Variants in JMJD1C observed in about 807,000 individuals in gnomAD.
JMJD1C encodes jumonji domain containing 1C, also known as jumonji domain-containing protein 1C.
JMJD1C carries 31 observed loss-of-function variants against 245.3 expected under a neutral mutation model. The ratio of observed to expected loss-of-function variants is 0.13; its 90% CI spans 0.09 to 0.17. The LOEUF is 0.17. Ranked by LOEUF, JMJD1C falls within the 10% of genes least tolerant of loss-of-function variation. The pLI is 1.00. For synonymous variants in JMJD1C, 1,057 were observed against 1,017.4 expected, an observed-to-expected ratio of 1.04 and a Z score of -0.74; for missense variants, 2,691 against 3,000.2, an observed-to-expected ratio of 0.90 and a Z score of 2.41.
chr10:63,321,835 A>AT (rs1940907722), intron 2 of JMJD1C, among the ~76,000 whole-genome samples: 4 of 152,170 alleles, frequency 2.6e-5, no homozygotes, highest in Non-Finnish European at 5.9e-5. Flanking sequence ...AGCCAAGAGG[A>AT]TGCCCTCTCT....
At chr10:63,461,227 T>C (rs1313585628) in intron 1 of JMJD1C, among the ~76,000 whole-genome samples, 3 of 152,194 alleles carry the variant, frequency 2.0e-5, no homozygotes, top group Admixed American at 6.5e-5. Flanking sequence ...ACATCAGACA[T>C]AGAAGTCTTT....
intron 2 of JMJD1C, among the ~76,000 whole-genome samples, chr10:63,299,452 A>G (rs756407290): frequency 1.3e-5 from 2 of 150,260 alleles, no homozygotes; most frequent in Non-Finnish European, 2.9e-5. Flanking sequence ...TCAGCCTCCC[A>G]AAGTGTTGGG....
At chr10:63,510,450 C>A (rs1954841768) in intron 1 of JMJD1C, among the ~76,000 whole-genome samples, 1 of 152,110 alleles carries the variant, frequency 6.6e-6, no homozygotes, top group Non-Finnish European at 1.5e-5. Flanking sequence ...TTTTGAGATT[C>A]CTTCTTTGAA....
intron 10 of JMJD1C, chr10:63,203,351 C>T (rs576592708): frequency 5.1e-6 from 5 of 984,356 alleles, no homozygotes; most frequent in South Asian, 4.7e-5. Flanking sequence ...ATGGATACTT[C>T]TTCATTTATA....
rs540407990 is a variant in JMJD1C, at chr10:63,287,016, G to GC, written c.334-22253dup. On this transcript the variant is annotated intron_variant, in intron 2 of 25. Transcript: ENST00000399262. ...TAATCATTCAACAAAAAATTTATCAGCCCTGGCAACATAGGGAGATCTTGT... is the reference window on the plus strand; with the variant it reads ...TAATCATTCAACAAAAAATTTATCAGCCCCTGGCAACATAGGGAGATCTTGT... 1.4e-3 allele frequency among the ~76,000 whole-genome samples: 220 copies of GC among 152,230 alleles called. 3 individuals are homozygous for GC. Among genetic ancestry groups the GC allele is most frequent in the South Asian group, 6.2e-4 (3 of 4,822 alleles).
chr10:63,170,710 A>G (rs1219194555), intron 24 of JMJD1C, among the ~76,000 whole-genome samples: 6 of 152,192 alleles, frequency 3.9e-5, no homozygotes, highest in Admixed American at 3.9e-4. Flanking sequence ...AACCTTTATT[A>G]GTGCTTACAA....
chr10:63,463,878 AT>A (rs1421695864), intron 1 of JMJD1C, among the ~76,000 whole-genome samples: 1 of 152,186 alleles, frequency 6.6e-6, no homozygotes, highest in African/African-American at 2.4e-5. Context: ...TAGATAATTT[AT>A]TTTTTAATAT....
intron 4 of JMJD1C, 117 bp from the exon 5 acceptor site, chr10:63,217,448 T>C (rs1848123229): frequency 1.3e-6 from 1 of 777,358 alleles, no homozygotes. Context: ...CTATCAGTTT[T>C]CAAAAAAATG....
chr10:63,230,777 C>T (rs184268578), intron 3 of JMJD1C, among the ~76,000 whole-genome samples: 75 of 150,932 alleles, frequency 5.0e-4, no homozygotes, highest in African/African-American at 1.6e-3. Flanking sequence ...TGTCCCCCCC[C>T]CCAAAAAAAA....
intron 1 of JMJD1C, among the ~76,000 whole-genome samples, chr10:63,428,793 C>T (rs1315793421): frequency 1.3e-5 from 2 of 152,138 alleles, no homozygotes; most frequent in Non-Finnish European, 2.9e-5. Flanking sequence ...TGACTTTTAT[C>T]TAAGTATTTC....
chr10:63,293,131 C>A (rs977922306), intron 2 of JMJD1C, among the ~76,000 whole-genome samples: 2 of 152,202 alleles, frequency 1.3e-5, no homozygotes, highest in Non-Finnish European at 2.9e-5. Context: ...ATTCTAATCC[C>A]CATTATCAGA....
At chr10:63,332,604 C>G (rs1433205947) in intron 2 of JMJD1C, among the ~76,000 whole-genome samples, 1 of 152,124 alleles carries the variant, frequency 6.6e-6, no homozygotes, top group Non-Finnish European at 1.5e-5. Context: ...CCTCATTTAA[C>G]CTTCCAGGTT....
intron 3 of JMJD1C, among the ~76,000 whole-genome samples, chr10:63,255,728 T>G (rs1304935126): frequency 6.6e-6 from 1 of 152,180 alleles, no homozygotes; most frequent in African/African-American, 2.4e-5. Context: ...CTGAAAGCAT[T>G]ACACAAAATA....
chr10:63,175,553 T>C (rs749404857), intron 24 of JMJD1C, among the ~76,000 whole-genome samples: 8 of 152,194 alleles, frequency 5.3e-5, no homozygotes, highest in Non-Finnish European at 1.2e-4. Flanking sequence ...TATACTTATA[T>C]AAAATGTGAG....
intron 1 of JMJD1C, among the ~76,000 whole-genome samples, chr10:63,441,142 A>G (rs550521357): frequency 6.6e-6 from 1 of 152,320 alleles, no homozygotes; most frequent in South Asian, 2.1e-4. Context: ...AGTATTGCAT[A>G]TACAAAAGAA....
At chr10:63,496,192 A>G (rs1231681179) in intron 1 of JMJD1C, among the ~76,000 whole-genome samples, 1 of 152,120 alleles carries the variant, frequency 6.6e-6, no homozygotes, top group Non-Finnish European at 1.5e-5. Context: ...GGAAAACTAC[A>G]GGATAAATAA....
At chr10:63,504,956 G>T (rs903429529) in intron 1 of JMJD1C, among the ~76,000 whole-genome samples, 12 of 152,106 alleles carry the variant, frequency 7.9e-5, no homozygotes, top group African/African-American at 2.7e-4. Context: ...AGTTTGAGGT[G>T]AGCTATGATC....
rs768599877 is a variant in JMJD1C at position 63,215,666 on chromosome 10, T to C, written c.709A>G (p.Met237Val). The C allele has an allele frequency of 3.1e-6, 5 of 1,596,370 alleles. No homozygotes were observed. Among genetic ancestry groups the C allele is most frequent in the Non-Finnish European group, 4.3e-6 (5 of 1,166,420 alleles). The change falls in exon 6 of 26, where the codon ATG (methionine) becomes GTG (valine). Residue 237 changes from methionine to valine, a missense_variant. Around this residue, in one of 9 missense-constraint regions of JMJD1C, gnomAD observed 172 missense variants for 240.8 expected, o/e 0.71. Transcript: ENST00000399262. ...TCATCTAGAAAGGTCATTTGAACCA[T>C]AGAAGGATCGACATTCTGTGGTTCT... ...VLEPQNVDPS[M>V]VQMTFLDDVV...
At chr10:63,411,601 ATTTT>A (rs35643037) in intron 1 of JMJD1C, among the ~76,000 whole-genome samples, 1 of 120,060 alleles carries the variant, frequency 8.3e-6, no homozygotes. Context: ...ACTCGGCCTG[ATTTT>A]TTTTTTTTTT....
Sources: allele counts gnomAD v4.1 joint callset (sites outside exome capture counted in the v4.1 genomes callset), GRCh38; gene constraint gnomAD v4.1.1; regional missense constraint gnomAD v4.1.1; transcripts MANE v1.5; gene names NCBI Gene and HGNC (gene_info 2026-07-23, HGNC 2026-07-21).